Variants in RGS6 observed in about 807,000 individuals in gnomAD.
RGS6 encodes regulator of G-protein signaling 6.
A neutral mutation model predicts 78.5 loss-of-function variants in RGS6; 30 were observed. The observed-to-expected ratio is 0.38, with a 90% CI of 0.29 to 0.52. The LOEUF (loss-of-function observed/expected upper bound fraction) is 0.52, where lower values mean the gene tolerates loss of function less well. RGS6 is among the 20% of genes least tolerant of loss of function. RGS6 has a pLI of 0.85. For missense variants in RGS6, 495 were observed against 609.7 expected (o/e 0.81, Z 1.98); for synonymous variants, 206 against 206.0 (o/e 1.00, Z 0.00).
intron 2 of RGS6, among the ~76,000 whole-genome samples, chr14:72,007,587 C>T (rs2084814954): frequency 6.6e-6 from 1 of 152,094 alleles, no homozygotes; most frequent in South Asian, 2.1e-4. Context: ...TATTTTTTAG[C>T]TCATCAGCTA....
In RGS6 at chr14:72,210,245, C is replaced by A. The variant is rs533650363; in HGVS notation, c.85-141850C>A. Among the ~76,000 whole-genome samples the A allele has an allele frequency of 2.0e-5, 3 of 152,306 alleles. No individual in the cohort carries two copies. In the South Asian group the frequency reaches 6.2e-4, roughly 32 times the overall value. Reference sequence around the variant, plus strand: ...CACACTATTCTTAGCTCAGAAGAAGCAAGTTATTCAGAGAAGGATGAGAGA... The same window carrying A: ...CACACTATTCTTAGCTCAGAAGAAGAAAGTTATTCAGAGAAGGATGAGAGA... On this transcript the variant is annotated intron_variant, in intron 2 of 17. Transcript: ENST00000553525.
chr14:72,510,390 A>C, intron 14 of RGS6, 111 bp downstream of exon 14: 1 of 1,362,178 alleles, frequency 7.3e-7, no homozygotes, highest in Non-Finnish European at 1.0e-6. Context: ...TTCAAATTCA[A>C]ATGCCAGCTA....
chr14:72,085,926 C>T (rs1296271681), intron 2 of RGS6, among the ~76,000 whole-genome samples: 4 of 148,588 alleles, frequency 2.7e-5, no homozygotes, highest in African/African-American at 4.9e-5. Flanking sequence ...TTTCCTGACT[C>T]ATAGCAGGTT....
At chr14:72,240,014 C>T (rs550000646) in intron 2 of RGS6, among the ~76,000 whole-genome samples, 66 of 151,650 alleles carry the variant, frequency 4.4e-4, no homozygotes, top group Non-Finnish European at 7.1e-4. Flanking sequence ...TTGAGGGTGT[C>T]CTAACATGAA....
chr14:72,487,888 A>G (rs55830079), intron 12 of RGS6, among the ~76,000 whole-genome samples: 22,087 of 152,072 alleles, frequency 0.15, 1,662 homozygotes, highest in Admixed American at 0.19. Context: ...TCCCCTTCTC[A>G]TAGAATCTGA....
Position 72,254,372 on chromosome 14 carries a change from C to T in RGS6, c.85-97723C>T, listed in dbSNP as rs557839509. On this transcript the variant is annotated intron_variant, in intron 2 of 17. Transcript: ENST00000553525. ...TTATATCACCAGCCTGTCTGCAGCA[C>T]TGTTGGGGCCACGCCTCTTGTGCGA... Among the ~76,000 whole-genome samples the T allele has an allele frequency of 7.0e-4, 107 of 152,316 alleles. 1 individual carries two copies. The highest frequency in any genetic ancestry group is 3.4e-3 in the Middle Eastern group (1 of 294).
intron 2 of RGS6, among the ~76,000 whole-genome samples, chr14:72,116,364 T>G (rs1012655379): frequency 3.3e-5 from 5 of 152,050 alleles, no homozygotes; most frequent in African/African-American, 1.2e-4. Flanking sequence ...GTGAGGCTCT[T>G]ACATTGTTTT....
intron 2 of RGS6, among the ~76,000 whole-genome samples, chr14:72,315,308 T>C (rs1309809494): frequency 6.6e-6 from 1 of 152,214 alleles, no homozygotes; most frequent in Non-Finnish European, 1.5e-5. Flanking sequence ...TAGAGATACT[T>C]GAAATAACGT....
the RGS6 span, among the ~76,000 whole-genome samples, chr14:72,625,299 G>A: frequency 6.6e-6 from 1 of 151,942 alleles, no homozygotes; most frequent in Non-Finnish European, 1.5e-5. Flanking sequence ...TATTAGTATA[G>A]ATATTTATTT....
At chr14:72,353,898 C>G (rs2079637360) in intron 3 of RGS6, among the ~76,000 whole-genome samples, 1 of 152,018 alleles carries the variant, frequency 6.6e-6, no homozygotes, top group Non-Finnish European at 1.5e-5. Context: ...GCAGGAGAAT[C>G]ACTTGAACCT....
At chr14:72,620,540 CG>C in the RGS6 span, among the ~76,000 whole-genome samples, 1 of 152,152 alleles carries the variant, frequency 6.6e-6, no homozygotes, top group African/African-American at 2.4e-5. Context: ...GGCTGGAGCC[CG>C]GGTGAGAGCA....
In RGS6 at chr14:72,147,496, C is replaced by G. The variant is rs1452744104; in HGVS notation, c.84+182621C>G. On this transcript the variant is annotated intron_variant, in intron 2 of 17. Transcript: ENST00000553525. ...GGCCGAACTCACTTTTATAACAAAC[C>G]ACTCTTGCAATAATGACATTAATCT... 2.6e-5 allele frequency among the ~76,000 whole-genome samples: 4 copies of G among 152,162 alleles called. No homozygotes were observed. In the East Asian group the frequency reaches 7.7e-4, roughly 29 times the overall value.
chr14:72,014,119 A>T, intron 2 of RGS6, among the ~76,000 whole-genome samples: 1 of 152,210 alleles, frequency 6.6e-6, no homozygotes, highest in Admixed American at 6.5e-5. Flanking sequence ...GTGTTGAATG[A>T]CATGCTCTTT....
intron 2 of RGS6, among the ~76,000 whole-genome samples, chr14:72,290,859 A>G (rs2063456797): frequency 6.6e-6 from 1 of 152,150 alleles, no homozygotes; most frequent in African/African-American, 2.4e-5. Context: ...ACTCTGTGCC[A>G]AGGGCAACAA....
intron 2 of RGS6, among the ~76,000 whole-genome samples, chr14:72,247,548 T>G (rs1451580396): frequency 6.6e-6 from 1 of 152,242 alleles, no homozygotes; most frequent in Non-Finnish European, 1.5e-5. Flanking sequence ...GAAATCAACA[T>G]GAGCAGTTAA....
At chr14:72,384,172 A>T (rs1055206700) in intron 3 of RGS6, among the ~76,000 whole-genome samples, 1 of 152,202 alleles carries the variant, frequency 6.6e-6, no homozygotes, top group Non-Finnish European at 1.5e-5. Flanking sequence ...AATAAGTTAA[A>T]ATAAACACTG....
At chr14:71,892,875 T>C in the RGS6 span, among the ~76,000 whole-genome samples, 2 of 152,276 alleles carry the variant, frequency 1.3e-5, no homozygotes, top group Admixed American at 1.3e-4. Context: ...GTTTTACATG[T>C]AGTTTTGCCT....
chr14:72,014,688 C>T (rs1304275980), intron 2 of RGS6, among the ~76,000 whole-genome samples: 1 of 152,160 alleles, frequency 6.6e-6, no homozygotes, highest in Non-Finnish European at 1.5e-5. Flanking sequence ...CATTACATGC[C>T]AGATAGGCAC....
chr14:72,201,329 G>A (rs1389162616), intron 2 of RGS6, among the ~76,000 whole-genome samples: 3 of 152,096 alleles, frequency 2.0e-5, no homozygotes. Context: ...ACTATATGTC[G>A]ATAGAATCTG....
Sources: gnomAD v4.1 joint callset for allele counts (sites outside exome capture counted in the v4.1 genomes callset) on GRCh38, gnomAD v4.1.1 for gene constraint, MANE v1.5 for transcripts, NCBI Gene and HGNC (gene_info 2026-07-23, HGNC 2026-07-21) for gene names.